Variants in ARID1A observed in about 807,000 individuals in gnomAD.
ARID1A encodes AT-rich interactive domain-containing protein 1A.
ARID1A carries 20 observed loss-of-function variants against 212.6 expected under a neutral mutation model. The observed-to-expected ratio is 0.09, with a 90% CI of 0.07 to 0.14. ARID1A has a LOEUF of 0.14. ARID1A is among the 10% of genes least tolerant of loss of function. ARID1A has a pLI of 1.00. For missense variants in ARID1A, 2,587 were observed against 3,059.0 expected (o/e 0.85, Z 3.64); for synonymous variants, 1,376 against 1,222.1 (o/e 1.13, Z -2.63).
Position 26,774,530 on chromosome 1 carries a change from T to C in ARID1A, c.4303T>C (p.Tyr1435His). ...QDVYNQYGNA[Y>H]PATATAATER... is the part of the protein sequence containing the mutation. The stretch of plus-strand genomic sequence containing the variant: ...TGTATACAACCAGTATGGCAATGCC[T>C]ATCCTGCCACTGCCACAGCTGCTAC... The change falls in exon 18 of 20, where the codon TAT becomes CAT. Residue 1435 changes from tyrosine (Y) to histidine (H), a missense_variant. Coordinates refer to ENST00000324856, the MANE Select transcript of ARID1A (RefSeq NM_006015.6). The surrounding 1 kb of genome is among the most constrained non-coding windows in gnomAD (Gnocchi z 5.6). 3.1e-6 allele frequency: 5 copies of C among 1,614,036 alleles called. No individual in the cohort carries two copies. The highest frequency in any genetic ancestry group is 4.2e-6 in the Non-Finnish European group (5 of 1,179,978).
chr1:26,752,420 G>A (rs1407462349), intron 4 of ARID1A, among the ~76,000 whole-genome samples: 1 of 152,014 alleles, frequency 6.6e-6, no homozygotes, highest in Non-Finnish European at 1.5e-5. Context: ...AAAGACTAAG[G>A]AGAAAAAAAG....
At chr1:26,727,178 A>C (rs530119629) in intron 1 of ARID1A, among the ~76,000 whole-genome samples, 33 of 152,358 alleles carry the variant, frequency 2.2e-4, no homozygotes, top group African/African-American at 7.9e-4. Flanking sequence ...CATTTAAAGA[A>C]CTGATGTGTT....
intron 10 of ARID1A, among the ~76,000 whole-genome samples, 178 bp from the exon 11 acceptor site, chr1:26,767,612 A>T (rs919111569): frequency 2.0e-5 from 3 of 152,144 alleles, no homozygotes; most frequent in Admixed American, 2.0e-4. Context: ...TCCTTCCTTT[A>T]TAGGAAAAAA....
At chr1:26,729,557 C>T in intron 1 of ARID1A, 94 bp from the exon 2 acceptor site, 1 of 1,382,660 alleles carries the variant, frequency 7.2e-7, no homozygotes, top group Non-Finnish European at 1.0e-6. Flanking sequence ...TTCTTTATAG[C>T]ATACAGACTA....
At chr1:26,699,118 A>G (rs1219508203) in intron 1 of ARID1A, among the ~76,000 whole-genome samples, 4 of 152,160 alleles carry the variant, frequency 2.6e-5, no homozygotes, top group Non-Finnish European at 5.9e-5. Flanking sequence ...GTCATTTTAG[A>G]GCTTTGAAAT....
At chr1:26,775,977 G>C (rs1340592071) in intron 19 of ARID1A, 2 of 572,598 alleles carry the variant, frequency 3.5e-6, no homozygotes, top group Non-Finnish European at 6.6e-6. Flanking sequence ...AGATTCAATC[G>C]ATGCCAGTGG....
intron 1 of ARID1A, 109 bp downstream of exon 1, chr1:26,697,649 C>G: frequency 1.8e-6 from 2 of 1,083,710 alleles, no homozygotes; most frequent in Non-Finnish European, 2.4e-6. Flanking sequence ...CGGGCCCCCA[C>G]TGCTGGGGAG....
intron 1 of ARID1A, among the ~76,000 whole-genome samples, chr1:26,706,969 T>C (rs189229089): frequency 1.7e-4 from 26 of 152,222 alleles, no homozygotes; most frequent in African/African-American, 5.1e-4. Flanking sequence ...TACAAAGCTT[T>C]TGGGGAACAA....
At chr1:26,701,885 C>T (rs1464514596) in intron 1 of ARID1A, among the ~76,000 whole-genome samples, 2 of 152,204 alleles carry the variant, frequency 1.3e-5, no homozygotes, top group Non-Finnish European at 2.9e-5. Context: ...TTCCACCTGG[C>T]TGGTGGTTTT....
chr1:26,734,485 G>A (rs925737037), intron 4 of ARID1A, among the ~76,000 whole-genome samples: 1 of 152,096 alleles, frequency 6.6e-6, no homozygotes, highest in Admixed American at 6.6e-5. Flanking sequence ...AGGCCCAGGG[G>A]ATGGTTGTTC....
chr1:26,763,084 A>T lies in ARID1A; in HGVS notation c.2531A>T (p.Gln844Leu). The change falls in exon 8 of 20, where the codon CAG becomes CTG. Residue 844 changes from glutamine (Q) to leucine (L), a missense_variant. By Grantham distance (113) the Gln-to-Leu change is moderately radical (BLOSUM62 -2). Transcript: ENST00000324856. ...PMGAGGQMHG[Q>L]PGIPPYGTLP... is the part of the protein sequence containing the mutation. ...GGTGCCGGAGGTCAAATGCATGGAC[A>T]GCCTGGCATCCCACCTTATGGCACA... 6.2e-7 allele frequency: 1 copy of T among 1,614,270 alleles called. No individual in the cohort carries two copies. Among genetic ancestry groups the T allele is most frequent in the Non-Finnish European group, 8.5e-7 (1 of 1,180,046 alleles).
In ARID1A at chr1:26,773,425, C is replaced by G. The variant is rs2124110985; in HGVS notation, c.3795C>G (p.Gly1265=). Residue 1265 remains glycine (G), a synonymous_variant, in exon 15 of 20, where the codon GGC becomes GGG. Transcript: ENST00000324856. ...GTGACCCCTACAGTCGTGCTGCCGG[C>G]CCTGGGCTAGGAAATGTGGCGATGG... is the stretch of plus-strand genomic sequence containing the variant. ...GMGDPYSRAA[G]PGLGNVAMGP... is the part of the protein sequence containing the mutation. 6.2e-7 allele frequency: 1 copy of G among 1,613,636 alleles called. No individual in the cohort carries two copies. Among genetic ancestry groups the G allele is most frequent in the East Asian group, 2.2e-5 (1 of 44,880 alleles).
Position 26,760,944 on chromosome 1 carries a change from A to G in ARID1A, c.2009A>G (p.Gln670Arg). ...AGCACATCAGGGATTTCCAGCAGCC[A>G]AGGAGAGCAGAGTAATCCAGCTCAG... ...GVSTSGISSS[Q>R]GEQSNPAQSP... The change falls in exon 5 of 20, where the codon CAA (glutamine) becomes CGA (arginine). Residue 670 changes from glutamine to arginine, a missense_variant. Transcript: ENST00000324856. 6.2e-7 allele frequency: 1 copy of G among 1,614,118 alleles called. No homozygotes were observed. The highest frequency in any genetic ancestry group is 8.5e-7 in the Non-Finnish European group (1 of 1,180,024).
At chr1:26,713,834 C>A (rs2080476566) in intron 1 of ARID1A, among the ~76,000 whole-genome samples, 1 of 152,208 alleles carries the variant, frequency 6.6e-6, no homozygotes, top group African/African-American at 2.4e-5. Context: ...TGACCCAGTA[C>A]AGATTTGTAA....
chr1:26,709,747 A>G (rs2080431853), intron 1 of ARID1A, among the ~76,000 whole-genome samples: 3 of 149,350 alleles, frequency 2.0e-5, no homozygotes, highest in African/African-American at 7.4e-5. Flanking sequence ...CAAACTCCTG[A>G]CCTCAAGCAA....
In ARID1A at chr1:26,774,420, G is replaced by A. The variant is rs1240355362; in HGVS notation, c.4193G>A (p.Gly1398Glu). 6.2e-7 allele frequency: 1 copy of A among 1,613,054 alleles called. No individual in the cohort carries two copies. ...AGCGTGCCATACAGCACTGGGCAGGGGCAGCCTCAGCAGCAGCAGTTGCCC... is the reference window on the plus strand; with the variant it reads ...AGCGTGCCATACAGCACTGGGCAGGAGCAGCCTCAGCAGCAGCAGTTGCCC... ...MYSVPYSTGQ[G>E]QPQQQQLPPA... is the part of the protein sequence containing the mutation. Residue 1398 changes from glycine to glutamate, a missense_variant, in exon 18 of 20, where the codon GGG (glycine) becomes GAG (glutamate). Around this residue, in one of 11 missense-constraint regions of ARID1A, gnomAD observed 890 missense variants for 1,098.2 expected, o/e 0.81. Coordinates refer to ENST00000324856, the MANE Select transcript of ARID1A (RefSeq NM_006015.6). The surrounding 1 kb of genome is among the most constrained non-coding windows in gnomAD (Gnocchi z 5.6).
chr1:26,729,995 C>T (rs548156308), intron 2 of ARID1A, 132 bp downstream of exon 2: 263 of 1,133,822 alleles, frequency 2.3e-4, no homozygotes, highest in Non-Finnish European at 3.0e-4. Context: ...CAGTTAATTA[C>T]AGAGTGCTAC....
Position 26,697,307 on chromosome 1 carries a change from C to T in ARID1A, c.904C>T (p.Pro302Ser). The change falls in exon 1 of 20, where the codon CCC becomes TCC. Residue 302 changes from proline (P) to serine (S), a missense_variant. By Grantham distance (74) the Pro-to-Ser change is moderately conservative (BLOSUM62 -1). This residue lies in a region of ARID1A where 735 missense variants were observed against 590.6 expected (regional missense o/e 1.24). Coordinates refer to ENST00000324856, the MANE Select transcript of ARID1A (RefSeq NM_006015.6). ...TPTLNQLLTS[P>S]SSARGYQGYP... ...CACCCTCAACCAACTGCTCACGTCGCCCAGCTCGGCCCGGGGCTACCAGGG... is the reference window on the plus strand; with the variant it reads ...CACCCTCAACCAACTGCTCACGTCGTCCAGCTCGGCCCGGGGCTACCAGGG... The T allele has an allele frequency of 7.4e-7, 1 of 1,348,140 alleles. No homozygotes were observed. Among genetic ancestry groups the T allele is most frequent in the African/African-American group, 1.5e-5 (1 of 65,572 alleles). The allele number at this position is 1,348,140 out of a possible 1,614,324, so 83.5% of individuals were successfully genotyped here. A position where few individuals can be genotyped will look rare whatever the true frequency, so the allele number is the denominator to read the frequency against.
chr1:26,719,310 G>A (rs1553148411), intron 1 of ARID1A, among the ~76,000 whole-genome samples: 1 of 152,232 alleles, frequency 6.6e-6, no homozygotes, highest in Non-Finnish European at 1.5e-5. Flanking sequence ...CTGAGACTGA[G>A]TATAGGAATT....
Sources: allele counts gnomAD v4.1 joint callset (sites outside exome capture counted in the v4.1 genomes callset), GRCh38; gene constraint gnomAD v4.1.1; regional missense constraint gnomAD v4.1.1; non-coding constraint Gnocchi (gnomAD v3.1); transcripts MANE v1.5; gene names NCBI Gene and HGNC (gene_info 2026-07-23, HGNC 2026-07-21).